The following ARVCF variants were observed in gnomAD, a reference collection of about 807,000 sequenced individuals.
ARVCF encodes splicing regulator ARVCF.
Under a neutral mutation model 90.9 loss-of-function variants are expected in ARVCF, and 66 were observed. That is an observed-to-expected ratio of 0.73 (90% CI 0.60 to 0.89). The LOEUF (loss-of-function observed/expected upper bound fraction) is 0.89. ARVCF is among the 40% of genes least tolerant of loss of function. The pLI, the probability that ARVCF is intolerant of heterozygous loss-of-function variation, is 0.00. For synonymous variants in ARVCF, 653 were observed against 603.4 expected (o/e 1.08, Z -1.21); for missense variants, 1,469 against 1,382.3 (o/e 1.06, Z -1.00).
intron 17 of ARVCF, 66 bp from the exon 18 acceptor site, chr22:19,972,037 C>T (rs1009885709): frequency 1.2e-5 from 17 of 1,434,692 alleles, no homozygotes; most frequent in Admixed American, 5.8e-5. Context: ...GCAGATCTCC[C>T]TCTCAGCCCA....
Position 19,975,755 on chromosome 22 carries a change from T to C in ARVCF, c.1891A>G (p.Lys631Glu), listed in dbSNP as rs770475677. The change falls in exon 11 of 20, where the codon AAG (lysine) becomes GAG (glutamate). Residue 631 changes from lysine to glutamate, a missense_variant and splice_region_variant. Physicochemically the swap from Lys to Glu is moderately conservative, Grantham distance 56. Transcript: ENST00000263207. The part of the protein sequence containing the change: ...KAKEEWFHQG[K>E]KDGEMDRNFD... Reference sequence around the variant, plus strand: ...TTCCGGTCCATCTCACCATCCTTCTTTCCTGGAAGGGAAAGGTGGTGGGAG... The same window carrying C: ...TTCCGGTCCATCTCACCATCCTTCTCTCCTGGAAGGGAAAGGTGGTGGGAG... 3 of 1,613,486 alleles carry C rather than the reference T, an allele frequency of 1.9e-6. No individual in the cohort carries two copies. The South Asian group carries it at 3.3e-5, about 18-fold the overall frequency.
intron 18 of ARVCF, 60 bp downstream of exon 18, chr22:19,971,826 C>G: frequency 6.3e-7 from 1 of 1,578,218 alleles, no homozygotes; most frequent in Non-Finnish European, 8.7e-7. Context: ...GGCTGCTCTC[C>G]AGCAACCCCT....
chr22:19,973,465 C>A lies in ARVCF; in HGVS notation c.2240-148G>T, dbSNP rs1195993641. The stretch of plus-strand genomic sequence containing the variant: ...GTCACAGGAGCCCCTGTGAGCAGGG[C>A]GCTGAGCTTCAGAGACAGGGCCGGG... On this transcript the variant is annotated intron_variant, in intron 13 of 19. Transcript: ENST00000263207. 10 of 1,328,664 alleles carry A rather than the reference C, an allele frequency of 7.5e-6. No homozygotes were observed. The East Asian group carries it at 2.0e-4, about 27-fold the overall frequency. The allele number at this position is 1,328,664 out of a possible 1,614,324, so 82.3% of individuals were successfully genotyped here. A position where few individuals can be genotyped will look rare whatever the true frequency, so the allele number is the denominator to read the frequency against.
intron 2 of ARVCF, among the ~76,000 whole-genome samples, chr22:20,007,503 G>A (rs740604): frequency 3.5e-4 from 53 of 152,354 alleles, no homozygotes; most frequent in African/African-American, 1.1e-3. Context: ...TTTGTGCTAT[G>A]GGCTGAACGT....
Position 19,971,989 on chromosome 22 carries a change from T to C in ARVCF, c.2696-18A>G, listed in dbSNP as rs1569144917. The C allele has an allele frequency of 6.3e-7, 1 of 1,598,918 alleles. No individual in the cohort carries two copies. Among genetic ancestry groups the C allele is most frequent in the Non-Finnish European group, 8.5e-7 (1 of 1,172,336 alleles). On this transcript the variant is annotated intron_variant, in intron 17 of 19. Coordinates refer to ENST00000263207, the MANE Select transcript of ARVCF (RefSeq NM_001670.3). ...GTATCCGTCTGTAGATGGGGTAAGG[T>C]GGGGCATGAGGGGCGCTCTGAGGGA... is the stretch of plus-strand genomic sequence containing the variant.
At chr22:19,976,481 C>G (rs370363563) in intron 10 of ARVCF, among the ~76,000 whole-genome samples, 1 of 152,212 alleles carries the variant, frequency 6.6e-6, no homozygotes, top group African/African-American at 2.4e-5. Context: ...GATAAGTACC[C>G]CCGGGCCCTG....
At chr22:20,005,371 C>CT (rs1944583587) in intron 2 of ARVCF, among the ~76,000 whole-genome samples, 1 of 129,574 alleles carries the variant, frequency 7.7e-6, no homozygotes, top group African/African-American at 2.7e-5. Flanking sequence ...GATGGCTAGT[C>CT]TAAAAAAAAA....
downstream of ARVCF, chr22:19,969,873 C>A: frequency 1.0e-6 from 1 of 985,452 alleles, no homozygotes; most frequent in Non-Finnish European, 1.2e-6. Flanking sequence ...TTGTGCCAGA[C>A]CTGAGTGGCA....
rs189357039 is a variant in ARVCF, at chr22:20,005,775, G to A, written c.-19+4680C>T. Reference sequence around the variant, plus strand: ...CGTGCCACTGCACTCCAGCCTGGGCGGCAGAGCGAGACTCCGTCTAAAAAA... The same window carrying A: ...CGTGCCACTGCACTCCAGCCTGGGCAGCAGAGCGAGACTCCGTCTAAAAAA... On this transcript the variant is annotated intron_variant, in intron 2 of 19. Transcript: ENST00000263207. 1.8e-3 allele frequency among the ~76,000 whole-genome samples: 275 copies of A among 150,562 alleles called. 1 individual carries two copies. The highest frequency in any genetic ancestry group is 6.5e-3 in the African/African-American group (263 of 40,632).
chr22:19,974,679 C>A (rs925074090), intron 11 of ARVCF, among the ~76,000 whole-genome samples: 3 of 151,976 alleles, frequency 2.0e-5, no homozygotes, highest in African/African-American at 7.3e-5. Context: ...GCAAGAGGAC[C>A]TGCTTTCACC....
intron 3 of ARVCF, chr22:19,987,065 C>T (rs1052507926): frequency 4.7e-6 from 3 of 637,328 alleles, no homozygotes; most frequent in Non-Finnish European, 8.6e-6. Flanking sequence ...AGCCAACTTC[C>T]CTCCAACCTG....
At chr22:19,991,785 G>A (rs1361935499) in intron 2 of ARVCF, among the ~76,000 whole-genome samples, 3 of 152,272 alleles carry the variant, frequency 2.0e-5, no homozygotes, top group Middle Eastern at 3.2e-3. Context: ...ACAAGTATGC[G>A]GAGCTCCAAT....
downstream of ARVCF, chr22:19,968,753 C>G (rs368314788): frequency 9.1e-4 from 1,460 of 1,604,432 alleles, no homozygotes; most frequent in Middle Eastern, 4.2e-3. Context: ...CCCCGGCCCC[C>G]CTCTCGGGCT....
chr22:20,004,991 T>TTAGATA (rs1456376600), intron 2 of ARVCF, among the ~76,000 whole-genome samples: 1 of 152,158 alleles, frequency 6.6e-6, no homozygotes, highest in Non-Finnish European at 1.5e-5. Flanking sequence ...CAATGATATC[T>TTAGATA]TAGATAAGAT....
chr22:20,000,222 C>T lies in ARVCF; in HGVS notation c.-18-9410G>A, dbSNP rs118099683. On this transcript the variant is annotated intron_variant, in intron 2 of 19. Coordinates refer to ENST00000263207, the MANE Select transcript of ARVCF (RefSeq NM_001670.3). ...TTTGGTCTGCCCTTGCCCCAGGGTC[C>T]TGTGTGGCCTCTGGCCAGAGCTGGC... 3.9e-3 allele frequency among the ~76,000 whole-genome samples: 599 copies of T among 152,324 alleles called. 3 individuals carry two copies. The highest frequency in any genetic ancestry group is 6.9e-3 in the Non-Finnish European group (468 of 68,016).
intron 2 of ARVCF, among the ~76,000 whole-genome samples, chr22:19,995,554 C>T (rs1000804027): frequency 6.6e-6 from 1 of 152,158 alleles, no homozygotes; most frequent in Non-Finnish European, 1.5e-5. Flanking sequence ...AAATCCTTTC[C>T]CTGAAACCAA....
Position 19,981,635 on chromosome 22 carries a change from A to T in ARVCF, c.472T>A (p.Phe158Ile). ...LLDGGPPLGP[F>I]ADGALDRHFL... ...TGCCGGTCCAGGGCACCATCTGCAA[A>T]AGGGCCTAGTGGGGGGCCGCCATCC... Residue 158 changes from phenylalanine (F) to isoleucine (I), a missense_variant, in exon 5 of 20, where the codon TTT (phenylalanine) becomes ATT (isoleucine). Transcript: ENST00000263207. 2 of 1,609,402 alleles carry T rather than the reference A, an allele frequency of 1.2e-6. No homozygotes were observed. Among genetic ancestry groups the T allele is most frequent in the Middle Eastern group, 1.7e-4 (1 of 6,056 alleles).
downstream of ARVCF, among the ~76,000 whole-genome samples, chr22:19,968,331 C>T (rs977750623): frequency 6.6e-6 from 1 of 152,196 alleles, no homozygotes; most frequent in South Asian, 2.1e-4. Flanking sequence ...CCTGTCCTCA[C>T]GGGGCCCATG....
downstream of ARVCF, chr22:19,968,492 G>A (rs1166013778): frequency 3.8e-6 from 6 of 1,586,260 alleles, no homozygotes; most frequent in East Asian, 2.3e-5. Context: ...GGTTCTCTGG[G>A]CACCTCTGAC....
Sources: gnomAD v4.1 joint callset for allele counts (sites outside exome capture counted in the v4.1 genomes callset) on GRCh38, gnomAD v4.1.1 for gene constraint, MANE v1.5 for transcripts, NCBI Gene and HGNC (gene_info 2026-07-23, HGNC 2026-07-21) for gene names.